Variants in RPS6KA6 observed in about 807,000 individuals in gnomAD.
The protein encoded by RPS6KA6 is ribosomal protein S6 kinase A6.
A neutral mutation model predicts 65.4 loss-of-function variants in RPS6KA6; 27 were observed. That is an observed-to-expected ratio of 0.41 (90% CI 0.30 to 0.57). The LOEUF (loss-of-function observed/expected upper bound fraction) is 0.57. RPS6KA6 is among the 20% of genes least tolerant of loss of function. The pLI is 0.24. For synonymous variants in RPS6KA6, 190 were observed against 184.2 expected (o/e 1.03, Z -0.26); for missense variants, 486 against 555.6 (o/e 0.87, Z 1.26).
chrX:84,151,042 TATATAGAGGATAG>T (rs1170780833), intron 3 of RPS6KA6, among the ~76,000 whole-genome samples: 181 of 93,194 alleles, frequency 1.9e-3, no homozygotes, highest in East Asian at 0.01. Flanking sequence ...AGAGGATATA[TATATAGAGGATAG>T]ATATATAGAG....
rs183547515 is a variant in RPS6KA6, at chrX:84,185,050, C to T, written c.81+2769G>A. The stretch of plus-strand genomic sequence containing the variant: ...TCATGAAAAGTTCACATTAGTCAAA[C>T]AGGTTGTTCTTTATGATCCTTGCCC... On this transcript the variant is annotated intron_variant, in intron 1 of 21. Transcript: ENST00000262752. Among the ~76,000 whole-genome samples, 6 of 111,096 alleles carry T rather than the reference C, an allele frequency of 5.4e-5. No individual in the cohort carries two copies. In the Admixed American group the frequency reaches 5.8e-4, roughly 11 times the overall value.
chrX:84,065,064 A>C lies in RPS6KA6; in HGVS notation c.2019T>G (p.Thr673=). 2 of 1,200,729 alleles carry C rather than the reference A, an allele frequency of 1.7e-6. No individual in the cohort carries two copies. The highest frequency in any genetic ancestry group is 2.3e-6 in the Non-Finnish European group (2 of 886,662). Residue 673 remains threonine, a synonymous_variant, in exon 21 of 22, where the codon ACT becomes ACG. Coordinates refer to ENST00000262752, the MANE Select transcript of RPS6KA6 (RefSeq NM_014496.5). The part of the protein sequence containing the change: ...MLHMDPHQRY[T]AEQILKHSWI... ...ATGAGTGCTTTAATATTTGTTCAGC[A>C]GTATACCGCTGATGTGGGTCCATAT... is the stretch of plus-strand genomic sequence containing the variant.
intron 20 of RPS6KA6, among the ~76,000 whole-genome samples, chrX:84,079,185 C>A (rs961736046): frequency 9.0e-6 from 1 of 110,782 alleles, no homozygotes; most frequent in East Asian, 2.9e-4. Flanking sequence ...GAGGGTGGGG[C>A]ATCGCCTCAC....
At chrX:84,125,253 G>A (rs1254206927) in intron 8 of RPS6KA6, among the ~76,000 whole-genome samples, 1 of 111,579 alleles carries the variant, frequency 9.0e-6, no homozygotes, top group African/African-American at 3.3e-5. Flanking sequence ...AAAATGCAGG[G>A]AATATTATTA....
intron 20 of RPS6KA6, among the ~76,000 whole-genome samples, chrX:84,083,392 C>T (rs1373562364): frequency 8.9e-6 from 1 of 112,376 alleles, no homozygotes; most frequent in Non-Finnish European, 1.9e-5. Flanking sequence ...TCCCCTGATC[C>T]CCATAACAGG....
chrX:84,163,473 A>G (rs2035547208), intron 2 of RPS6KA6, among the ~76,000 whole-genome samples: 1 of 104,922 alleles, frequency 9.5e-6, no homozygotes, highest in Non-Finnish European at 2.0e-5. Context: ...CCCCGTCTCT[A>G]CTAAAAATAC....
chrX:84,088,346 T>C (rs1175504448), intron 20 of RPS6KA6, among the ~76,000 whole-genome samples: 2 of 112,298 alleles, frequency 1.8e-5, no homozygotes, highest in Non-Finnish European at 3.8e-5. Context: ...TTTCTGTTTG[T>C]TGTTCTTTTA....
chrX:84,099,344 G>T (rs2147410806), intron 18 of RPS6KA6, among the ~76,000 whole-genome samples: 1 of 111,333 alleles, frequency 9.0e-6, no homozygotes, highest in South Asian at 3.7e-4. Flanking sequence ...AAACAAGGCA[G>T]AGCGGTAGGA....
chrX:84,185,461 C>T (rs1330160634), intron 1 of RPS6KA6, among the ~76,000 whole-genome samples: 3 of 111,703 alleles, frequency 2.7e-5, no homozygotes, highest in Non-Finnish European at 5.6e-5. Context: ...AATATAAGTA[C>T]CCTTAATAAG....
chrX:84,118,223 A>C (rs2034605223), intron 9 of RPS6KA6, among the ~76,000 whole-genome samples: 1 of 111,668 alleles, frequency 9.0e-6, no homozygotes, highest in Admixed American at 9.5e-5. Flanking sequence ...AATCTAAGTG[A>C]GCTTATACAT....
At chrX:84,115,327 T>C (rs1213791126) in intron 12 of RPS6KA6, among the ~76,000 whole-genome samples, 1 of 111,555 alleles carries the variant, frequency 9.0e-6, no homozygotes, top group Non-Finnish European at 1.9e-5. Flanking sequence ...AAAGAAGACA[T>C]ACAAGCAGCC....
chrX:84,113,721 T>C (rs1034374725), intron 12 of RPS6KA6, among the ~76,000 whole-genome samples: 12 of 111,303 alleles, frequency 1.1e-4, no homozygotes, highest in Admixed American at 1.0e-3. Context: ...CTGAAACAGG[T>C]CAAGGATGTC....
chrX:84,107,008 G>A lies in RPS6KA6; in HGVS notation c.1144C>T (p.His382Tyr). Residue 382 changes from histidine (H) to tyrosine (Y), a missense_variant, in exon 14 of 22, where the codon CAT becomes TAT. Physicochemically the swap from His to Tyr is moderately conservative, Grantham distance 83 (BLOSUM62 2). Transcript: ENST00000262752. ...AAGCTGAATCCTTTGAAGAGCTGAT[G>A]AGCATTTGCACTGGCTGGCAAACCG... ...SPGLPASANA[H>Y]QLFKGFSFVA... 1 of 1,202,779 alleles carries A rather than the reference G, an allele frequency of 8.3e-7. No individual in the cohort carries two copies. Among genetic ancestry groups the A allele is most frequent in the African/African-American group, 1.7e-5 (1 of 57,563 alleles).
At chrX:84,172,696 C>G (rs1045347862) in intron 1 of RPS6KA6, among the ~76,000 whole-genome samples, 1 of 111,422 alleles carries the variant, frequency 9.0e-6, no homozygotes, top group Non-Finnish European at 1.9e-5. Context: ...TTACAAATAG[C>G]CAAAAGGTAG....
intron 21 of RPS6KA6, 131 bp downstream of exon 21, chrX:84,064,840 A>C (rs1006690228): frequency 2.0e-6 from 1 of 492,021 alleles, no homozygotes; most frequent in Non-Finnish European, 3.2e-6. Flanking sequence ...ATGGTTGTTA[A>C]TTTAAAAAAA....
chrX:84,101,840 T>C (rs1349893257), intron 18 of RPS6KA6, among the ~76,000 whole-genome samples, 197 bp downstream of exon 18: 1 of 111,209 alleles, frequency 9.0e-6, no homozygotes, highest in Non-Finnish European at 1.9e-5. Context: ...TATTACATTC[T>C]GGTTGGTTTT....
In RPS6KA6 at chrX:84,096,193, C is replaced by T. The variant is rs2147401982; in HGVS notation, c.1971+1G>A. On this transcript the variant is annotated splice_donor_variant, in intron 20 of 21. Coordinates refer to ENST00000262752, the MANE Select transcript of RPS6KA6 (RefSeq NM_014496.5). LOFTEE classifies it high-confidence loss of function. ...ACAAAACAAAACATTATAATTTATA[C>T]CTTTGCTCCGTCTGAAATATTGTCC... is the stretch of plus-strand genomic sequence containing the variant. The T allele has an allele frequency of 9.0e-7, 1 of 1,108,260 alleles. No individual in the cohort carries two copies. The highest frequency in any genetic ancestry group is 1.2e-6 in the Non-Finnish European group (1 of 802,091). 91.3% of individuals were successfully genotyped at this position (1,108,260 alleles called of 1,213,427 possible). A position where few individuals can be genotyped will look rare whatever the true frequency, so the allele number is the denominator to read the frequency against.
chrX:84,099,486 A>G (rs761550583), intron 18 of RPS6KA6, among the ~76,000 whole-genome samples: 4 of 111,324 alleles, frequency 3.6e-5, no homozygotes, highest in African/African-American at 1.3e-4. Flanking sequence ...AGTCAGCAGA[A>G]AGTAACATAC....
At chrX:84,095,543 G>A (rs1351602354) in intron 20 of RPS6KA6, among the ~76,000 whole-genome samples, 1 of 111,341 alleles carries the variant, frequency 9.0e-6, no homozygotes, top group Non-Finnish European at 1.9e-5. Context: ...ACGGCTTTAA[G>A]TATAAAATAT....
Sources: gnomAD v4.1 joint callset for allele counts (sites outside exome capture counted in the v4.1 genomes callset) on GRCh38, gnomAD v4.1.1 for gene constraint, MANE v1.5 for transcripts, NCBI Gene and HGNC (gene_info 2026-07-23, HGNC 2026-07-21) for gene names.